Variants in DNAAF4 observed in about 807,000 individuals in gnomAD.
The protein encoded by DNAAF4 is dynein assembly factor 4, axonemal.
DNAAF4 carries 43 observed loss-of-function variants against 51.8 expected under a neutral mutation model. The ratio of observed to expected loss-of-function variants is 0.83; its 90% CI spans 0.65 to 1.07. The LOEUF (loss-of-function observed/expected upper bound fraction) is 1.07. Among genes scored for constraint, DNAAF4 ranks in the 50% least tolerant of loss-of-function variants. The pLI, the probability that DNAAF4 is intolerant of heterozygous loss-of-function variation, is 0.00. For synonymous variants in DNAAF4, 194 were observed against 165.6 expected, an observed-to-expected ratio of 1.17 and a Z score of -1.32; for missense variants, 581 against 493.0, an observed-to-expected ratio of 1.18 and a Z score of -1.69.
chr15:55,484,142 CAT>C (rs1011011014), intron 4 of DNAAF4, among the ~76,000 whole-genome samples: 21 of 152,024 alleles, frequency 1.4e-4, no homozygotes, highest in African/African-American at 4.8e-4. Context: ...GTGATGAAAA[CAT>C]AAAATGGTCC....
intron 6 of DNAAF4, 91 bp from the exon 7 acceptor site, chr15:55,439,672 G>A: frequency 8.7e-7 from 1 of 1,145,320 alleles, no homozygotes; most frequent in South Asian, 1.4e-5. Context: ...CCAGTGGATT[G>A]AAATATTATT....
chr15:55,436,198 CTTG>C (rs1337451623), intron 7 of DNAAF4, among the ~76,000 whole-genome samples: 2 of 152,110 alleles, frequency 1.3e-5, no homozygotes, highest in Non-Finnish European at 2.9e-5. Context: ...CTCACTAACA[CTTG>C]TTATTTTCTG....
chr15:55,465,711 T>C (rs1443250911), intron 5 of DNAAF4, among the ~76,000 whole-genome samples: 1 of 151,964 alleles, frequency 6.6e-6, no homozygotes, highest in African/African-American at 2.4e-5. Context: ...GGATTACAGA[T>C]ATGTGCCACC....
intron 4 of DNAAF4, among the ~76,000 whole-genome samples, chr15:55,484,007 T>A (rs1400521311): frequency 6.6e-6 from 1 of 151,802 alleles, no homozygotes; most frequent in East Asian, 1.9e-4. Flanking sequence ...CAAATTAAAA[T>A]GGCACTGAAG....
intron 2 of DNAAF4, 38 bp downstream of exon 2, chr15:55,498,169 C>T (rs1242163328): frequency 6.2e-7 from 1 of 1,614,028 alleles, no homozygotes; most frequent in East Asian, 2.2e-5. Flanking sequence ...CTTCGGACCA[C>T]ACCCCCGGAG....
chr15:55,502,587 C>G (rs946240474), intron 1 of DNAAF4, among the ~76,000 whole-genome samples: 1 of 152,056 alleles, frequency 6.6e-6, no homozygotes, highest in Non-Finnish European at 1.5e-5. Context: ...AGGCCCCAGT[C>G]AAGAACTTAG....
At chr15:55,452,273 AAAGGAAAAAAAG>A (rs1331640557) in intron 5 of DNAAF4, among the ~76,000 whole-genome samples, 76 of 150,042 alleles carry the variant, frequency 5.1e-4, no homozygotes, top group African/African-American at 1.8e-3. Flanking sequence ...AAAAAAAGGA[AAAGGAAAAAAAG>A]AAGGAAAATA....
intron 6 of DNAAF4, chr15:55,442,851 T>G: frequency 6.2e-7 from 1 of 1,612,810 alleles, no homozygotes; most frequent in Non-Finnish European, 8.5e-7. Flanking sequence ...CAGCCATCAT[T>G]GCACACATAC....
intron 5 of DNAAF4, among the ~76,000 whole-genome samples, chr15:55,455,107 T>G (rs911092474): frequency 4.1e-5 from 6 of 147,110 alleles, no homozygotes; most frequent in Non-Finnish European, 9.0e-5. Context: ...ATAACTATTA[T>G]AGAAACTGAA....
At chr15:55,449,947 T>A (rs906854031) in intron 6 of DNAAF4, among the ~76,000 whole-genome samples, 1 of 151,700 alleles carries the variant, frequency 6.6e-6, no homozygotes, top group Non-Finnish European at 1.5e-5. Flanking sequence ...GATCCACCCA[T>A]CTCGGGCTCC....
rs753571003 is a variant in DNAAF4, at chr15:55,430,761, G to A, written c.1172C>T (p.Ala391Val). ...LYVEGLQDYE[A>V]ALKIDPSNKI... ...GTTGGATGGATCAATCTTAAGTGCC[G>A]CTTCATAATCCTGTAGGCCTGTGTT... Residue 391 changes from alanine to valine, a missense_variant, in exon 10 of 10, where the codon GCG (alanine) becomes GTG (valine). Coordinates refer to ENST00000321149, the MANE Select transcript of DNAAF4 (RefSeq NM_130810.4). 48 of 1,612,662 alleles carry A rather than the reference G, an allele frequency of 3.0e-5. No homozygotes were observed. The highest frequency in any genetic ancestry group is 5.3e-5 in the African/African-American group (4 of 74,950).
At chr15:55,462,459 G>C (rs1191616228) in intron 5 of DNAAF4, among the ~76,000 whole-genome samples, 1 of 151,992 alleles carries the variant, frequency 6.6e-6, no homozygotes, top group Non-Finnish European at 1.5e-5. Flanking sequence ...TCAAAGGCTG[G>C]GATTACAGGT....
At chr15:55,436,024 G>T (rs1429415371) in intron 7 of DNAAF4, among the ~76,000 whole-genome samples, 2 of 152,162 alleles carry the variant, frequency 1.3e-5, no homozygotes, top group African/African-American at 2.4e-5. Flanking sequence ...CCGATCTCAG[G>T]TGATCTGCCC....
chr15:55,464,473 A>T (rs2058139776), intron 5 of DNAAF4, among the ~76,000 whole-genome samples: 1 of 152,250 alleles, frequency 6.6e-6, no homozygotes, highest in African/African-American at 2.4e-5. Context: ...TAAACTAAAA[A>T]GCTTCTGCAC....
chr15:55,475,673 A>G (rs1011584887), intron 4 of DNAAF4, among the ~76,000 whole-genome samples: 3 of 152,170 alleles, frequency 2.0e-5, no homozygotes, highest in African/African-American at 7.2e-5. Context: ...CAGATTTTGG[A>G]GCATTTCAGA....
intron 6 of DNAAF4, among the ~76,000 whole-genome samples, chr15:55,445,032 CTTTTT>C (rs35988188): frequency 1.8e-5 from 2 of 109,044 alleles, no homozygotes; most frequent in South Asian, 3.3e-4. Flanking sequence ...ATTGAATACC[CTTTTT>C]TTTTTTTTTT....
intron 4 of DNAAF4, 113 bp downstream of exon 4, chr15:55,491,010 C>T (rs1160242816): frequency 7.7e-7 from 1 of 1,295,692 alleles, no homozygotes; most frequent in African/African-American, 1.5e-5. Context: ...ATAGTAAGTC[C>T]TCTAAACAAA....
intron 3 of DNAAF4, 64 bp downstream of exon 3, chr15:55,497,648 T>C (rs977404898): frequency 6.5e-7 from 1 of 1,529,094 alleles, no homozygotes; most frequent in Non-Finnish European, 8.8e-7. Flanking sequence ...CAAAATAAAA[T>C]TTTTTAAAAG....
intron 3 of DNAAF4, among the ~76,000 whole-genome samples, chr15:55,493,955 T>C (rs2058606098): frequency 1.3e-5 from 2 of 151,604 alleles, no homozygotes; most frequent in South Asian, 2.1e-4. Flanking sequence ...CCTCCCACCT[T>C]GGCCTCCTAA....
Sources: allele counts gnomAD v4.1 joint callset (sites outside exome capture counted in the v4.1 genomes callset), GRCh38; gene constraint gnomAD v4.1.1; transcripts MANE v1.5; gene names NCBI Gene and HGNC (gene_info 2026-07-23, HGNC 2026-07-21).